Variants in CSMD1 observed in about 807,000 individuals in gnomAD.
The protein encoded by CSMD1 is CUB and sushi domain-containing protein 1.
CSMD1 carries 213 observed loss-of-function variants against 417.5 expected under a neutral mutation model. The ratio of observed to expected loss-of-function variants is 0.51; its 90% CI spans 0.46 to 0.57. The LOEUF is 0.57. Ranked by LOEUF, CSMD1 falls within the 20% of genes least tolerant of loss-of-function variation. The pLI, the probability that CSMD1 is intolerant of heterozygous loss-of-function variation, is 0.00. For synonymous variants in CSMD1, 2,862 were observed against 1,736.8 expected (o/e 1.65, Z -16.11); for missense variants, 6,923 against 4,529.7 (o/e 1.53, Z -15.17).
chr8:4,488,164 C>T (rs1801509063), intron 2 of CSMD1, among the ~76,000 whole-genome samples: 2 of 152,326 alleles, frequency 1.3e-5, no homozygotes, highest in East Asian at 1.9e-4. Context: ...CTTCGACTTA[C>T]AGCTTCCAGA....
chr8:4,357,097 G>A (rs1384761681), intron 3 of CSMD1, among the ~76,000 whole-genome samples: 1 of 152,140 alleles, frequency 6.6e-6, no homozygotes, highest in Non-Finnish European at 1.5e-5. Context: ...ACTGTGTTAT[G>A]TATTACAACT....
At chr8:3,762,227 T>G (rs1248212399) in intron 5 of CSMD1, among the ~76,000 whole-genome samples, 1 of 152,070 alleles carries the variant, frequency 6.6e-6, no homozygotes, top group Non-Finnish European at 1.5e-5. Context: ...CCCTCCTGAC[T>G]CAGATCATCC....
intron 2 of CSMD1, among the ~76,000 whole-genome samples, chr8:4,465,377 A>C (rs1045169998): frequency 6.6e-6 from 1 of 152,174 alleles, no homozygotes; most frequent in Non-Finnish European, 1.5e-5. Flanking sequence ...GATAAATGAG[A>C]AAACATGGTT....
rs569132409 is a variant in CSMD1 at position 3,955,883 on chromosome 8, G to A, written c.818+42020C>T. Among the ~76,000 whole-genome samples, 48 of 152,316 alleles carry A rather than the reference G, an allele frequency of 3.2e-4. No individual in the cohort carries two copies. In the South Asian group the frequency reaches 8.1e-3, roughly 26 times the overall value. On this transcript the variant is annotated intron_variant, in intron 5 of 69. Coordinates refer to ENST00000635120, the MANE Select transcript of CSMD1 (RefSeq NM_033225.6). ...TCCCCCAGGCTGGGTGCAATGGCACGATCTCGGCTCACTTCAACCTTTGCC... is the reference window on the plus strand; with the variant it reads ...TCCCCCAGGCTGGGTGCAATGGCACAATCTCGGCTCACTTCAACCTTTGCC...
chr8:4,769,903 T>C (rs923138695), intron 1 of CSMD1, among the ~76,000 whole-genome samples: 1 of 152,216 alleles, frequency 6.6e-6, no homozygotes, highest in African/African-American at 2.4e-5. Flanking sequence ...ATAAAAATCA[T>C]GAATCCTCAT....
chr8:3,266,025 G>C (rs1801405180), intron 26 of CSMD1, among the ~76,000 whole-genome samples: 1 of 152,010 alleles, frequency 6.6e-6, no homozygotes, highest in Non-Finnish European at 1.5e-5. Flanking sequence ...AGGTTCATGA[G>C]GTAGACATGA....
At chr8:4,899,712 A>G (rs1265334582) in intron 1 of CSMD1, among the ~76,000 whole-genome samples, 5 of 152,172 alleles carry the variant, frequency 3.3e-5, no homozygotes, top group African/African-American at 1.2e-4. Context: ...AAAATTTCTA[A>G]TCATATCTCA....
intron 17 of CSMD1, among the ~76,000 whole-genome samples, chr8:3,394,620 T>C (rs1185611189): frequency 4.4e-5 from 1 of 22,938 alleles, no homozygotes; most frequent in Admixed American, 7.3e-4. Context: ...AATTCTGGTG[T>C]AGAAAAAGTT....
chr8:4,128,238 G>A (rs139186151), intron 3 of CSMD1, among the ~76,000 whole-genome samples: 4 of 152,048 alleles, frequency 2.6e-5, no homozygotes, highest in Non-Finnish European at 5.9e-5. Flanking sequence ...GTTTCTGCAT[G>A]GCTGACAGGT....
intron 3 of CSMD1, among the ~76,000 whole-genome samples, chr8:4,308,712 T>C (rs1008641585): frequency 1.3e-5 from 2 of 152,202 alleles, no homozygotes; most frequent in Non-Finnish European, 2.9e-5. Flanking sequence ...TGCATTTGCA[T>C]GATTTAGAGT....
chr8:3,868,397 T>A (rs1026897092), intron 5 of CSMD1, among the ~76,000 whole-genome samples: 6 of 152,090 alleles, frequency 3.9e-5, no homozygotes, highest in Non-Finnish European at 7.3e-5. Flanking sequence ...GTCCCTGCTG[T>A]GCAGATGGTC....
intron 3 of CSMD1, among the ~76,000 whole-genome samples, chr8:4,329,452 T>G (rs1393930539): frequency 6.6e-6 from 1 of 152,208 alleles, no homozygotes; most frequent in Middle Eastern, 3.4e-3. Context: ...GCACACTGGC[T>G]AATTTTTGTA....
At position 4,946,808 on chromosome 8, in the gene CSMD1, T is replaced by C. The variant is rs573059328; in HGVS notation, c.85+47524A>G. Among the ~76,000 whole-genome samples the C allele has an allele frequency of 7.7e-4, 118 of 152,342 alleles. 1 individual carries two copies. The highest frequency in any genetic ancestry group is 3.4e-3 in the Middle Eastern group (1 of 294). Reference sequence around the variant, plus strand: ...ACAGGGAAATAAATTAGACTGTGATTCTATTTAAATAAAACATGCCTCCAA... The same window carrying C: ...ACAGGGAAATAAATTAGACTGTGATCCTATTTAAATAAAACATGCCTCCAA... On this transcript the variant is annotated intron_variant, in intron 1 of 69. Transcript: ENST00000635120.
intron 3 of CSMD1, among the ~76,000 whole-genome samples, chr8:4,207,730 A>G (rs1443391908): frequency 6.6e-6 from 1 of 152,114 alleles, no homozygotes; most frequent in Non-Finnish European, 1.5e-5. Flanking sequence ...ATAGCAAAAT[A>G]ACAGTAGATA....
At chr8:3,273,533 T>C (rs1802035804) in intron 26 of CSMD1, among the ~76,000 whole-genome samples, 1 of 152,236 alleles carries the variant, frequency 6.6e-6, no homozygotes, top group Non-Finnish European at 1.5e-5. Flanking sequence ...GTACCTCTGG[T>C]AGAATTCGGT....
intron 3 of CSMD1, among the ~76,000 whole-genome samples, chr8:4,230,106 C>T (rs766544347): frequency 3.9e-5 from 6 of 152,114 alleles, no homozygotes; most frequent in African/African-American, 1.4e-4. Context: ...CCTTATAAAC[C>T]TTTTTCTAAG....
intron 1 of CSMD1, among the ~76,000 whole-genome samples, chr8:4,739,643 G>T (rs1585024804): frequency 6.6e-6 from 1 of 152,078 alleles, no homozygotes; most frequent in Non-Finnish European, 1.5e-5. Flanking sequence ...ATTAACACAG[G>T]AAGCCACAGG....
rs1159669176 is a variant in CSMD1 at position 4,637,358 on chromosome 8, C to T, written c.286G>A (p.Gly96Arg). The change falls in exon 2 of 70, where the codon GGG becomes AGG. Residue 96 changes from glycine to arginine, a missense_variant. Gly to Arg is a moderately radical substitution (Grantham distance 125, BLOSUM62 -2). Transcript: ENST00000635120. ...ATACCTTACCTCACTTTTAAATTCC[C>T]TTGTTGAGGCTGTCCATCGTAAACT... The part of the protein sequence containing the change: ...LSVYDGQPQQ[G>R]NLKVRLSGFQ... 2 of 1,613,542 alleles carry T rather than the reference C, an allele frequency of 1.2e-6. No individual in the cohort carries two copies. Among genetic ancestry groups the T allele is most frequent in the East Asian group, 2.2e-5 (1 of 44,872 alleles).
chr8:2,978,842 G>C (rs771030298), intron 54 of CSMD1, 42 bp from the exon 55 acceptor site: 2 of 1,499,744 alleles, frequency 1.3e-6, no homozygotes, highest in South Asian at 1.3e-5. Context: ...GAAACAGCTA[G>C]AAATAACAAC....
Sources: allele counts gnomAD v4.1 joint callset (sites outside exome capture counted in the v4.1 genomes callset), GRCh38; gene constraint gnomAD v4.1.1; transcripts MANE v1.5; gene names NCBI Gene and HGNC (gene_info 2026-07-23, HGNC 2026-07-21).